Variants in VSTM2B observed in about 807,000 individuals in gnomAD.
VSTM2B encodes the protein V-set and transmembrane domain containing 2B.
VSTM2B carries 24 observed loss-of-function variants against 24.0 expected under a neutral mutation model. The ratio of observed to expected loss-of-function variants is 1.00; its 90% confidence interval spans 0.72 to 1.40. The LOEUF (loss-of-function observed/expected upper bound fraction) is 1.40. Among genes scored for constraint, VSTM2B ranks in the 40% most tolerant of loss-of-function variants. The probability of loss-of-function intolerance (pLI) is 0.00; values close to 1 mark genes in which losing one functional copy is unlikely to be tolerated. For missense variants in VSTM2B, 399 were observed against 416.4 expected (o/e 0.96, Z 0.36); for synonymous variants, 226 against 194.4 (o/e 1.16, Z -1.35).
At chr19:29,543,711 C>T (rs967333097) in intron 4 of VSTM2B, among the ~76,000 whole-genome samples, 1 of 152,198 alleles carries the variant, frequency 6.6e-6, no homozygotes, top group African/African-American at 2.4e-5. Flanking sequence ...CACCCTGGCT[C>T]CAAGGTTGGG....
Position 29,529,888 on chromosome 19 carries a change from GGCGTGTACGAGT to G in VSTM2B, c.370_381del (p.Val124_Cys127del), listed in dbSNP as rs1174196520. 1.3e-6 allele frequency: 2 copies of G among 1,550,424 alleles called. No homozygotes were observed. Among genetic ancestry groups the G allele is most frequent in the East Asian group, 4.9e-5 (2 of 40,908 alleles). ...GTCTGCCGTGCGGCTGCAGGACGAG[GGCGTGTACGAGT>G]GCCGCGTGTCGGACTACAGCGACGA... On this transcript the variant is annotated inframe_deletion, in exon 4 of 5. Transcript: ENST00000335523.
intron 4 of VSTM2B, among the ~76,000 whole-genome samples, chr19:29,531,338 T>G (rs1224695392): frequency 6.6e-6 from 1 of 152,172 alleles, no homozygotes; most frequent in Non-Finnish European, 1.5e-5. Flanking sequence ...TGGCTTTGGG[T>G]ACAGGTGCAT....
intron 4 of VSTM2B, among the ~76,000 whole-genome samples, chr19:29,536,501 A>G (rs186803032): frequency 6.4e-4 from 98 of 152,312 alleles, no homozygotes; most frequent in African/African-American, 2.3e-3. Flanking sequence ...AAGACCCTAA[A>G]TTCAGGATAA....
At chr19:29,562,849 G>C (rs892446928) in intron 4 of VSTM2B, among the ~76,000 whole-genome samples, 5 of 152,150 alleles carry the variant, frequency 3.3e-5, no homozygotes, top group Non-Finnish European at 7.4e-5. Flanking sequence ...TGAGGCAGAG[G>C]TGTTACAGCA....
intron 4 of VSTM2B, among the ~76,000 whole-genome samples, chr19:29,559,512 T>C (rs1202996595): frequency 6.6e-6 from 1 of 152,152 alleles, no homozygotes; most frequent in Non-Finnish European, 1.5e-5. Context: ...CTAATGTAGG[T>C]GACTGGTTGA....
Position 29,526,984 on chromosome 19 carries a change from G to T in VSTM2B, c.83-227G>T, listed in dbSNP as rs956303169. 8.3e-6 allele frequency: 4 copies of T among 481,998 alleles called. No individual in the cohort carries two copies. Among genetic ancestry groups the T allele is most frequent in the South Asian group, 3.5e-5 (1 of 28,250 alleles). 29.9% of individuals were successfully genotyped at this position (481,998 alleles called of 1,614,324 possible). A position where few individuals can be genotyped will look rare whatever the true frequency, so the allele number is the denominator to read the frequency against. On this transcript the variant is annotated intron_variant, in intron 1 of 4. Transcript: ENST00000335523. This position sits in a 1 kb window ranked among gnomAD's most constrained non-coding sequence, Gnocchi z 4.1. ...GGGAGAAGCACGAGTCGCCCCTGCC[G>T]CCCCGCCCCATCCGGAGGGAAGCAG...
At chr19:29,527,186 CCTCT>C in intron 1 of VSTM2B, 21 bp from the exon 2 acceptor site, 7 of 1,516,368 alleles carry the variant, frequency 4.6e-6, no homozygotes, top group Non-Finnish European at 6.2e-6. Context: ...GCTGGTCACG[CCTCT>C]CTCTCTCTCC....
chr19:29,563,189 G>A (rs1970574955), intron 4 of VSTM2B, among the ~76,000 whole-genome samples: 2 of 152,048 alleles, frequency 1.3e-5, no homozygotes, highest in Non-Finnish European at 2.9e-5. Flanking sequence ...AGGACAAGCA[G>A]GGCCAGAAAT....
intron 4 of VSTM2B, among the ~76,000 whole-genome samples, chr19:29,546,455 T>C (rs1448373389): frequency 6.6e-6 from 1 of 150,552 alleles, no homozygotes; most frequent in Non-Finnish European, 1.5e-5. Context: ...GCCTCACCTA[T>C]GAACGGGAAA....
At chr19:29,550,826 C>A (rs1160148540) in intron 4 of VSTM2B, among the ~76,000 whole-genome samples, 1 of 145,688 alleles carries the variant, frequency 6.9e-6, no homozygotes, top group African/African-American at 2.7e-5. Context: ...TCTTCTCAAA[C>A]CTGAAAAAAA....
chr19:29,562,291 C>T (rs62104170), intron 4 of VSTM2B, among the ~76,000 whole-genome samples: 8,319 of 152,258 alleles, frequency 0.055, 331 homozygotes, highest in South Asian at 0.1. Flanking sequence ...GAGCAGGAGA[C>T]GCCTTGGATA....
chr19:29,531,662 A>T (rs1268184907), intron 4 of VSTM2B, among the ~76,000 whole-genome samples: 1 of 152,188 alleles, frequency 6.6e-6, no homozygotes, highest in Admixed American at 6.5e-5. Flanking sequence ...GCCACACAGG[A>T]GCCCACAAGA....
intron 4 of VSTM2B, among the ~76,000 whole-genome samples, chr19:29,546,708 G>A (rs1024142856): frequency 4.7e-5 from 7 of 149,406 alleles, no homozygotes; most frequent in Non-Finnish European, 8.9e-5. Flanking sequence ...CAGTCGGGCC[G>A]CCTGCGGCCC....
At chr19:29,544,103 GTATATATATACC>G (rs1568442734) in intron 4 of VSTM2B, among the ~76,000 whole-genome samples, 6 of 149,834 alleles carry the variant, frequency 4.0e-5, no homozygotes, top group African/African-American at 1.5e-4. Flanking sequence ...TCTCCTGTGT[GTATATATATACC>G]TATATATATA....
At chr19:29,538,405 G>A (rs1484748957) in intron 4 of VSTM2B, among the ~76,000 whole-genome samples, 1 of 152,158 alleles carries the variant, frequency 6.6e-6, no homozygotes, top group Non-Finnish European at 1.5e-5. Context: ...TTGGTAACCA[G>A]CGTTATTCAC....
chr19:29,539,833 G>A (rs12972796), intron 4 of VSTM2B, among the ~76,000 whole-genome samples: 12,069 of 152,246 alleles, frequency 0.079, 652 homozygotes, highest in African/African-American at 0.14. Context: ...GGAAGCCAGG[G>A]CCCCTCCTGC....
intron 4 of VSTM2B, among the ~76,000 whole-genome samples, chr19:29,559,428 G>A (rs57957192): frequency 0.019 from 2,821 of 152,222 alleles, 66 homozygotes; most frequent in East Asian, 0.094. Flanking sequence ...ACATGGACAC[G>A]GGAGGGGAAC....
intron 1 of VSTM2B, 127 bp from the exon 2 acceptor site, chr19:29,527,084 C>A: frequency 3.5e-6 from 3 of 846,804 alleles, no homozygotes; most frequent in Non-Finnish European, 5.4e-6. Flanking sequence ...TCCGGCCGTG[C>A]GCCAGGGAGC....
At chr19:29,527,136 G>T in intron 1 of VSTM2B, 75 bp from the exon 2 acceptor site, 1 of 1,336,048 alleles carries the variant, frequency 7.5e-7, no homozygotes, top group Non-Finnish European at 1.0e-6. Context: ...GCCAGAGACC[G>T]ACTGCCTCGC....
Sources: gnomAD v4.1 joint callset for allele counts (sites outside exome capture counted in the v4.1 genomes callset) on GRCh38, gnomAD v4.1.1 for gene constraint, Gnocchi (gnomAD v3.1) non-coding constraint, MANE v1.5 for transcripts, NCBI Gene and HGNC (gene_info 2026-07-23, HGNC 2026-07-21) for gene names.